HNRNPUL1: variants seen among roughly 807,000 people sequenced by gnomAD.
The protein encoded by HNRNPUL1 is heterogeneous nuclear ribonucleoprotein U like 1.
Under a neutral mutation model 108.5 loss-of-function variants are expected in HNRNPUL1, and 14 were observed. The observed-to-expected ratio is 0.13, with a 90% CI of 0.09 to 0.20. The LOEUF (loss-of-function observed/expected upper bound fraction) is 0.20. Among genes scored for constraint, HNRNPUL1 ranks in the 10% least tolerant of loss-of-function variants. The pLI, the probability that HNRNPUL1 is intolerant of heterozygous loss-of-function variation, is 1.00. For missense variants in HNRNPUL1, 804 were observed against 1,168.3 expected, an observed-to-expected ratio of 0.69 and a Z score of 4.55; for synonymous variants, 422 against 445.2, an observed-to-expected ratio of 0.95 and a Z score of 0.66.
At chr19:41,296,901 T>C (rs577799478) in intron 10 of HNRNPUL1, among the ~76,000 whole-genome samples, 25 of 152,340 alleles carry the variant, frequency 1.6e-4, no homozygotes, top group African/African-American at 5.1e-4. Context: ...CCTCCTGTTA[T>C]GTAGGTTGGC....
intron 5 of HNRNPUL1, chr19:41,278,509 A>G (rs1469587966): frequency 6.6e-6 from 1 of 152,362 alleles, no homozygotes; most frequent in Non-Finnish European, 1.5e-5. Context: ...AATGTTGCAT[A>G]TACAAATACA....
At position 41,305,537 on chromosome 19, in the gene HNRNPUL1, CACAA is replaced by C. The variant is rs368640381; in HGVS notation, c.2263-134_2263-131del. 5.6e-5 allele frequency: 59 copies of C among 1,059,238 alleles called. No homozygotes were observed. In the East Asian group the frequency reaches 1.2e-3, roughly 21 times the overall value. 65.6% of individuals were successfully genotyped at this position (1,059,238 alleles called of 1,614,324 possible). ...GAGCTGGCTCTCCTCCTTCTCAGCC[CACAA>C]ACAATGTCCACTAGGCAAGGGAAGG... is the stretch of plus-strand genomic sequence containing the variant. On this transcript the variant is annotated intron_variant, in intron 13 of 14. Transcript: ENST00000392006.
intron 3 of HNRNPUL1, among the ~76,000 whole-genome samples, chr19:41,273,442 T>G (rs1273652555): frequency 2.0e-5 from 3 of 152,222 alleles, no homozygotes; most frequent in Non-Finnish European, 4.4e-5. Flanking sequence ...TTAAGTCCCT[T>G]TTTTAGCGTT....
At chr19:41,266,492 T>C (rs2034854751) in intron 1 of HNRNPUL1, among the ~76,000 whole-genome samples, 1 of 151,918 alleles carries the variant, frequency 6.6e-6, no homozygotes, top group Non-Finnish European at 1.5e-5. Context: ...GGGGTCTCGC[T>C]ATGTTGCCCA....
chr19:41,305,051 G>A (rs557632287), intron 13 of HNRNPUL1, among the ~76,000 whole-genome samples: 2 of 152,214 alleles, frequency 1.3e-5, no homozygotes, highest in African/African-American at 4.8e-5. Context: ...AAGGTTTGTT[G>A]TGAGGAATGG....
Position 41,294,746 on chromosome 19 carries a change from G to T in HNRNPUL1, c.1518+60G>T. ...GGGAGGGGACCCCTTGCATGCCTGAGAATCTCCCTCTGGTCCCTTTCTTTT... is the reference window on the plus strand; with the variant it reads ...GGGAGGGGACCCCTTGCATGCCTGATAATCTCCCTCTGGTCCCTTTCTTTT... On this transcript the variant is annotated intron_variant, in intron 10 of 14. Coordinates refer to ENST00000392006, the MANE Select transcript of HNRNPUL1 (RefSeq NM_007040.6). The surrounding 1 kb of genome is among the most constrained non-coding windows in gnomAD (Gnocchi z 4.3). 6.3e-7 allele frequency: 1 copy of T among 1,594,794 alleles called. No individual in the cohort carries two copies. The highest frequency in any genetic ancestry group is 8.6e-7 in the Non-Finnish European group (1 of 1,163,998).
intron 4 of HNRNPUL1, 56 bp downstream of exon 4, chr19:41,274,111 T>C (rs766814053): frequency 4.1e-4 from 594 of 1,448,752 alleles, no homozygotes; most frequent in Non-Finnish European, 5.5e-4. Flanking sequence ...GGGGAAATTG[T>C]GGTCTTGACC....
At chr19:41,279,498 A>G (rs1208433206) in intron 6 of HNRNPUL1, among the ~76,000 whole-genome samples, 1 of 152,194 alleles carries the variant, frequency 6.6e-6, no homozygotes, top group East Asian at 1.9e-4. Context: ...CAAGCTGCTG[A>G]TAAGTTCCCA....
rs923860532 is a variant in HNRNPUL1, at chr19:41,307,269, A to G, written c.*704A>G. ...AGAATCATCTTTAACCCAACTTTTT[A>G]TACGATGCCCCAGTTCCCCATAACT... On this transcript the variant is annotated 3_prime_UTR_variant, in exon 15 of 15. Transcript: ENST00000392006. 2.6e-5 allele frequency: 4 copies of G among 152,636 alleles called. No homozygotes were observed. Among genetic ancestry groups the G allele is most frequent in the Non-Finnish European group, 5.9e-5 (4 of 68,038 alleles). 9.5% of individuals were successfully genotyped at this position (152,636 alleles called of 1,614,324 possible). A position where few individuals can be genotyped will look rare whatever the true frequency, so the allele number is the denominator to read the frequency against.
rs746523199 is a variant in HNRNPUL1 at position 41,306,468 on chromosome 19, A to C, written c.2474A>C (p.Gln825Pro). 1.3e-6 allele frequency: 2 copies of C among 1,594,686 alleles called. No individual in the cohort carries two copies. Among genetic ancestry groups the C allele is most frequent in the Non-Finnish European group, 1.7e-6 (2 of 1,172,452 alleles). ...QYQQYAQQWN[Q>P]YYQNQGQWPP... is the part of the protein sequence containing the mutation. ...CCCCAGTATGCCCAGCAGTGGAACC[A>C]GTACTATCAGAACCAGGGCCAGTGG... Residue 825 changes from glutamine (Q) to proline (P), a missense_variant, in exon 15 of 15, where the codon CAG becomes CCG. Transcript: ENST00000392006.
In HNRNPUL1 at chr19:41,268,279, CAAG is replaced by C. The variant is rs745373017; in HGVS notation, c.355_357del (p.Glu119del). On this transcript the variant is annotated inframe_deletion, in exon 2 of 15. Transcript: ENST00000392006. ...ATTCTACGATACCCAAGTCATCAAA[CAAG>C]AAAACGAGTCAGGCTACGAGAGGAG... The C allele has an allele frequency of 7.4e-6, 12 of 1,613,996 alleles. No homozygotes were observed. Among genetic ancestry groups the C allele is most frequent in the Non-Finnish European group, 1.0e-5 (12 of 1,179,958 alleles).
rs774049575 is a variant in HNRNPUL1 at position 41,294,623 on chromosome 19, C to T, written c.1455C>T (p.Thr485=). ...GGGATGTCCTGATCCAGCAGGCCACCCAGTGCCTCAACCGCCTCATCCAGA... is the reference window on the plus strand; with the variant it reads ...GGGATGTCCTGATCCAGCAGGCCACTCAGTGCCTCAACCGCCTCATCCAGA... ...GRWDVLIQQA[T]QCLNRLIQIA... The change falls in exon 10 of 15, where the codon ACC becomes ACT. Residue 485 remains threonine (T), a synonymous_variant. Transcript: ENST00000392006. The surrounding 1 kb of genome is among the most constrained non-coding windows in gnomAD (Gnocchi z 4.3). 2 of 1,614,206 alleles carry T rather than the reference C, an allele frequency of 1.2e-6. No homozygotes were observed. The highest frequency in any genetic ancestry group is 2.2e-5 in the East Asian group (1 of 44,882).
At chr19:41,285,693 G>A (rs1415214323) in intron 7 of HNRNPUL1, among the ~76,000 whole-genome samples, 1 of 152,050 alleles carries the variant, frequency 6.6e-6, no homozygotes, top group Admixed American at 6.6e-5. Context: ...CCAATATGTG[G>A]TTCCCTTTTA....
intron 7 of HNRNPUL1, among the ~76,000 whole-genome samples, chr19:41,291,217 T>C (rs2036558230): frequency 6.6e-6 from 1 of 152,216 alleles, no homozygotes; most frequent in African/African-American, 2.4e-5. Context: ...GCTAGGCTTA[T>C]ATACAAGCAA....
chr19:41,305,578 C>A, intron 13 of HNRNPUL1, 98 bp from the exon 14 acceptor site: 3 of 1,476,832 alleles, frequency 2.0e-6, no homozygotes, highest in Non-Finnish European at 2.8e-6. Flanking sequence ...CCCCTGTGGG[C>A]CAACCACTTA....
chr19:41,305,545 A>T, intron 13 of HNRNPUL1, 131 bp from the exon 14 acceptor site: 1 of 1,109,944 alleles, frequency 9.0e-7, no homozygotes, highest in Non-Finnish European at 1.3e-6. Context: ...CCCACAAACA[A>T]TGTCCACTAG....
chr19:41,274,104 G>A, intron 4 of HNRNPUL1, 49 bp downstream of exon 4: 1 of 1,495,912 alleles, frequency 6.7e-7, no homozygotes, highest in Non-Finnish European at 9.3e-7. Flanking sequence ...TCAGTATGGG[G>A]AAATTGTGGT....
chr19:41,296,004 T>G (rs2036871874), intron 10 of HNRNPUL1, among the ~76,000 whole-genome samples: 1 of 152,196 alleles, frequency 6.6e-6, no homozygotes, highest in Non-Finnish European at 1.5e-5. Context: ...TGTCGGGGCA[T>G]TCAAGAATTT....
chr19:41,302,466 G>A (rs778347585), intron 11 of HNRNPUL1, 199 bp from the exon 12 acceptor site: 9 of 675,192 alleles, frequency 1.3e-5, no homozygotes, highest in South Asian at 9.0e-5. Context: ...TGATCCACCC[G>A]CCTCGGCCTC....
Sources: allele counts gnomAD v4.1 joint callset (sites outside exome capture counted in the v4.1 genomes callset), GRCh38; gene constraint gnomAD v4.1.1; non-coding constraint Gnocchi (gnomAD v3.1); transcripts MANE v1.5; gene names NCBI Gene and HGNC (gene_info 2026-07-23, HGNC 2026-07-21).